The following ZRANB3 variants were observed in gnomAD, a reference collection of about 807,000 sequenced individuals.
ZRANB3 encodes the protein zinc finger RANBP2-type containing 3.
In ZRANB3, 125 loss-of-function variants were observed where a neutral mutation model predicts 133.8. The ratio of observed to expected loss-of-function variants is 0.93; its 90% confidence interval spans 0.81 to 1.08. ZRANB3 has a LOEUF of 1.08. Ranked by LOEUF, ZRANB3 falls within the 50% of genes least tolerant of loss-of-function variation. The pLI, the probability that ZRANB3 is intolerant of heterozygous loss-of-function variation, is 0.00. For missense variants in ZRANB3, 1,229 were observed against 1,275.5 expected (o/e 0.96, Z 0.56); for synonymous variants, 387 against 432.7 (o/e 0.89, Z 1.31).
intron 2 of ZRANB3, among the ~76,000 whole-genome samples, chr2:135,494,679 C>T (rs1181357226): frequency 2.0e-5 from 3 of 152,158 alleles, no homozygotes; most frequent in Non-Finnish European, 4.4e-5. Context: ...AAATAATACC[C>T]TGAGAAGAAT....
chr2:135,403,633 T>G (rs919030706), intron 2 of ZRANB3, among the ~76,000 whole-genome samples: 5 of 152,184 alleles, frequency 3.3e-5, no homozygotes, highest in Non-Finnish European at 7.3e-5. Flanking sequence ...GCTGGAGATC[T>G]GAGAACAGAT....
At chr2:135,371,431 T>C (rs1280520578) in intron 3 of ZRANB3, among the ~76,000 whole-genome samples, 1 of 152,180 alleles carries the variant, frequency 6.6e-6, no homozygotes, top group Non-Finnish European at 1.5e-5. Context: ...ATGCTTTGTG[T>C]CTGTATCTAT....
intron 3 of ZRANB3, among the ~76,000 whole-genome samples, chr2:135,366,829 T>A (rs1470302483): frequency 6.6e-6 from 1 of 151,880 alleles, no homozygotes; most frequent in African/African-American, 2.4e-5. Flanking sequence ...CCATCCTGTC[T>A]AACACAGTGA....
At chr2:135,391,582 C>CTTT (rs200286702) in intron 2 of ZRANB3, among the ~76,000 whole-genome samples, 1 of 142,170 alleles carries the variant, frequency 7.0e-6, no homozygotes. Context: ...TTATTTCTTT[C>CTTT]TTTTTTTTTT....
At chr2:135,410,023 G>A (rs1338670953) in intron 2 of ZRANB3, among the ~76,000 whole-genome samples, 4 of 152,138 alleles carry the variant, frequency 2.6e-5, no homozygotes, top group African/African-American at 4.8e-5. Context: ...CATGCTCATG[G>A]ACACAAAGAA....
Position 135,200,034 on chromosome 2 carries a change from C to A in ZRANB3, c.*308G>T. The A allele has an allele frequency of 8.2e-6, 3 of 366,242 alleles. No homozygotes were observed. Among genetic ancestry groups the A allele is most frequent in the South Asian group, 7.8e-5 (3 of 38,490 alleles). The allele number at this position is 366,242 out of a possible 1,614,324, so 22.7% of individuals were successfully genotyped here. A position where few individuals can be genotyped will look rare whatever the true frequency, so the allele number is the denominator to read the frequency against. Reference sequence around the variant, plus strand: ...TAATTGAGAGTACATTTTTTAAACACAATCTATGCACAATACAGTGATTAG... The same window carrying A: ...TAATTGAGAGTACATTTTTTAAACAAAATCTATGCACAATACAGTGATTAG... On this transcript the variant is annotated 3_prime_UTR_variant, in exon 21 of 21. Coordinates refer to ENST00000264159, the MANE Select transcript of ZRANB3 (RefSeq NM_032143.4).
intron 6 of ZRANB3, among the ~76,000 whole-genome samples, chr2:135,334,874 G>A (rs982347211): frequency 7.9e-5 from 12 of 151,878 alleles, no homozygotes; most frequent in African/African-American, 2.2e-4. Context: ...CAGCCTGGGC[G>A]ACAGAGCAAG....
In ZRANB3 at chr2:135,217,470, G is replaced by T. The variant is rs773079816; in HGVS notation, c.2490C>A (p.Thr830=). ...ITKQQTKQNC[T]KRYITKEDVA... The stretch of plus-strand genomic sequence containing the variant: ...TAAAAAAAGACAACTCATACCTTTT[G>T]GTGCAATTTTGTTTGGTTTGTTGCT... The change falls in exon 17 of 21, where the codon ACC becomes ACA. Residue 830 remains threonine, a synonymous_variant. Coordinates refer to ENST00000264159, the MANE Select transcript of ZRANB3 (RefSeq NM_032143.4). 4.4e-6 allele frequency: 7 copies of T among 1,604,128 alleles called. No individual in the cohort carries two copies. The highest frequency in any genetic ancestry group is 5.1e-6 in the Non-Finnish European group (6 of 1,176,824).
chr2:135,267,195 C>G (rs1680291582), intron 11 of ZRANB3, among the ~76,000 whole-genome samples: 1 of 152,100 alleles, frequency 6.6e-6, no homozygotes, highest in Non-Finnish European at 1.5e-5. Context: ...AGAAAATGAA[C>G]TTATTTCTTA....
chr2:135,507,889 A>G (rs1693265217), intron 1 of ZRANB3, among the ~76,000 whole-genome samples: 1 of 151,854 alleles, frequency 6.6e-6, no homozygotes, highest in South Asian at 2.1e-4. Context: ...AATTTGAGCT[A>G]TGATCTTGTC....
intron 12 of ZRANB3, among the ~76,000 whole-genome samples, chr2:135,253,373 C>A (rs1679496419): frequency 6.6e-6 from 1 of 152,006 alleles, no homozygotes; most frequent in African/African-American, 2.4e-5. Context: ...GGGGAGAAAG[C>A]CTGGACAGGG....
intron 8 of ZRANB3, among the ~76,000 whole-genome samples, chr2:135,284,165 A>T (rs1356638406): frequency 1.3e-5 from 2 of 152,202 alleles, no homozygotes; most frequent in Admixed American, 1.3e-4. Context: ...AAAGTCACTT[A>T]ATCTCTGTGC....
intron 3 of ZRANB3, among the ~76,000 whole-genome samples, chr2:135,373,808 GGGGAGGGGAC>G (rs1686294614): frequency 2.2e-5 from 3 of 136,484 alleles, no homozygotes; most frequent in African/African-American, 5.3e-5. Flanking sequence ...AAAGAGGGGA[GGGGAGGGGAC>G]GGGAGGGGAA....
At chr2:135,375,543 G>A (rs1305189684) in intron 3 of ZRANB3, among the ~76,000 whole-genome samples, 1 of 152,138 alleles carries the variant, frequency 6.6e-6, no homozygotes, top group African/African-American at 2.4e-5. Flanking sequence ...AAACTAGCCG[G>A]GCATGGTGGC....
intron 3 of ZRANB3, among the ~76,000 whole-genome samples, chr2:135,369,990 A>G (rs1179724369): frequency 6.7e-6 from 1 of 150,220 alleles, no homozygotes; most frequent in East Asian, 2.0e-4. Context: ...ACAGAGCTAT[A>G]CACCCCCACT....
intron 2 of ZRANB3, among the ~76,000 whole-genome samples, chr2:135,398,227 G>A (rs967111805): frequency 6.6e-5 from 10 of 150,866 alleles, no homozygotes; most frequent in African/African-American, 1.9e-4. Context: ...CACCACACCC[G>A]GCTAATTGTT....
intron 2 of ZRANB3, among the ~76,000 whole-genome samples, chr2:135,409,679 C>T (rs974106107): frequency 6.6e-6 from 1 of 152,086 alleles, no homozygotes; most frequent in African/African-American, 2.4e-5. Flanking sequence ...AAGAGGAACT[C>T]GAATTATCTT....
At chr2:135,348,934 C>T (rs999354837) in intron 5 of ZRANB3, among the ~76,000 whole-genome samples, 4 of 152,022 alleles carry the variant, frequency 2.6e-5, no homozygotes, top group African/African-American at 7.2e-5. Flanking sequence ...TTGAAGGATA[C>T]GTTTCATGAT....
intron 2 of ZRANB3, among the ~76,000 whole-genome samples, chr2:135,490,330 A>G (rs557921242): frequency 6.6e-6 from 1 of 152,338 alleles, no homozygotes; most frequent in East Asian, 1.9e-4. Flanking sequence ...TATTCCAATT[A>G]AAAAATGGAC....
Sources: allele counts gnomAD v4.1 joint callset (sites outside exome capture counted in the v4.1 genomes callset), GRCh38; gene constraint gnomAD v4.1.1; transcripts MANE v1.5; gene names NCBI Gene and HGNC (gene_info 2026-07-23, HGNC 2026-07-21).